Variants in COMMD7 observed in about 807,000 individuals in gnomAD.
The protein encoded by COMMD7 is COMM domain-containing protein 7.
COMMD7 carries 28 observed loss-of-function variants against 34.8 expected under a neutral mutation model. The ratio of observed to expected loss-of-function variants is 0.80; its 90% CI spans 0.60 to 1.10. The LOEUF (loss-of-function observed/expected upper bound fraction) is 1.10. COMMD7 is among the 50% of genes least tolerant of loss of function. The pLI is 0.00. For missense variants in COMMD7, 211 were observed against 241.6 expected (o/e 0.87, Z 0.84); for synonymous variants, 80 against 86.4 (o/e 0.93, Z 0.41).
chr20:32,733,716 CAAA>C (rs35352458), intron 1 of COMMD7, among the ~76,000 whole-genome samples: 14 of 109,572 alleles, frequency 1.3e-4, no homozygotes, highest in Non-Finnish European at 2.0e-4. Context: ...GACTCCATCT[CAAA>C]AAAAAAAAAA....
intron 3 of COMMD7, among the ~76,000 whole-genome samples, chr20:32,711,687 T>C (rs1030524474): frequency 5.1e-4 from 77 of 152,136 alleles, no homozygotes; most frequent in African/African-American, 1.7e-3. Flanking sequence ...TGGATTGGCA[T>C]CATGCTAGGC....
rs1415685075 is a variant in COMMD7, at chr20:32,704,813, C to A, written c.427+1G>T. ...ACCCAGGACTGGTTGTAACTAGTTA[C>A]CTCCAAATTTCCACTCCATATCTAT... On this transcript the variant is annotated splice_donor_variant, in intron 6 of 8. Coordinates refer to ENST00000278980, the MANE Select transcript of COMMD7 (RefSeq NM_053041.3). LOFTEE classifies it high-confidence loss of function. 6.2e-7 allele frequency: 1 copy of A among 1,610,376 alleles called. No individual in the cohort carries two copies. The highest frequency in any genetic ancestry group is 1.7e-4 in the Middle Eastern group (1 of 6,056).
intron 1 of COMMD7, among the ~76,000 whole-genome samples, chr20:32,740,105 CAGG>C: frequency 7.0e-6 from 1 of 141,924 alleles, no homozygotes; most frequent in Non-Finnish European, 1.5e-5. Context: ...ATCATGAAGT[CAGG>C]AGATCGAGAC....
chr20:32,731,868 A>G (rs375531706), intron 1 of COMMD7, among the ~76,000 whole-genome samples: 41 of 152,304 alleles, frequency 2.7e-4, no homozygotes, highest in African/African-American at 9.6e-4. Context: ...TCTCCCCAGT[A>G]AACTTAGGAA....
intron 3 of COMMD7, among the ~76,000 whole-genome samples, chr20:32,722,396 T>C (rs1199407577): frequency 2.0e-5 from 3 of 151,966 alleles, no homozygotes; most frequent in Non-Finnish European, 4.4e-5. Context: ...GACAAACCCA[T>C]TTCCAAAGAT....
intron 1 of COMMD7, among the ~76,000 whole-genome samples, chr20:32,736,598 A>G (rs1015347955): frequency 6.6e-6 from 1 of 152,124 alleles, no homozygotes; most frequent in African/African-American, 2.4e-5. Context: ...TGAACCCAGG[A>G]GGCAGAGGTT....
At chr20:32,728,714 A>G (rs914588450) in intron 1 of COMMD7, among the ~76,000 whole-genome samples, 1 of 151,550 alleles carries the variant, frequency 6.6e-6, no homozygotes, top group African/African-American at 2.4e-5. Flanking sequence ...CTACAGGCAC[A>G]TGCCACCATA....
intron 1 of COMMD7, 62 bp downstream of exon 1, chr20:32,743,246 C>A: frequency 9.6e-7 from 1 of 1,042,812 alleles, no homozygotes; most frequent in Non-Finnish European, 1.4e-6. Context: ...GTCCCCCCCA[C>A]CCCAGGCCCG....
intron 3 of COMMD7, among the ~76,000 whole-genome samples, chr20:32,718,103 A>C (rs1165325173): frequency 1.4e-5 from 2 of 144,700 alleles, no homozygotes; most frequent in East Asian, 4.0e-4. Context: ...AAAAAAAAAA[A>C]TCAATAAAAT....
chr20:32,706,650 TA>T lies in COMMD7; in HGVS notation c.299-31del, dbSNP rs370008054. On this transcript the variant is annotated intron_variant, in intron 4 of 8. Coordinates refer to ENST00000278980, the MANE Select transcript of COMMD7 (RefSeq NM_053041.3). ...AAGAGAACAGAAGGAGATATTAACATAATAAAAAGCCTCAGAAGCCAGTCAC... is the reference window on the plus strand; with the variant it reads ...AAGAGAACAGAAGGAGATATTAACATATAAAAAGCCTCAGAAGCCAGTCAC... 4.1e-4 allele frequency: 660 copies of T among 1,612,094 alleles called. 2 individuals carry two copies. The African/African-American group carries it at 7.0e-3, about 17-fold the overall frequency.
intron 6 of COMMD7, 132 bp from the exon 7 acceptor site, chr20:32,704,621 G>T: frequency 2.0e-6 from 2 of 1,002,840 alleles, no homozygotes; most frequent in Non-Finnish European, 3.0e-6. Flanking sequence ...AGGGCAGCAA[G>T]GTGTGCTTTT....
In COMMD7 at chr20:32,702,966, G is replaced by C. The variant is rs1983844196; in HGVS notation, c.*416C>G. 5.9e-6 allele frequency: 1 copy of C among 170,502 alleles called. No homozygotes were observed. Among genetic ancestry groups the C allele is most frequent in the Non-Finnish European group, 1.3e-5 (1 of 78,912 alleles). 10.6% of individuals were successfully genotyped at this position (170,502 alleles called of 1,614,324 possible). A position where few individuals can be genotyped will look rare whatever the true frequency, so the allele number is the denominator to read the frequency against. ...GGGGGCTCTGTATATGTGTCATTCA[G>C]ACAATCCGCCGATTCCTCAGCCATA... On this transcript the variant is annotated 3_prime_UTR_variant, in exon 9 of 9. Transcript: ENST00000278980.
At chr20:32,737,825 G>A (rs1469866017) in intron 1 of COMMD7, among the ~76,000 whole-genome samples, 1 of 138,848 alleles carries the variant, frequency 7.2e-6, no homozygotes, top group Admixed American at 7.3e-5. Context: ...GCAACAGAGT[G>A]AGGTCCTGTC....
chr20:32,728,400 C>G (rs1375181935), intron 1 of COMMD7, among the ~76,000 whole-genome samples: 1 of 151,878 alleles, frequency 6.6e-6, no homozygotes, highest in Non-Finnish European at 1.5e-5. Flanking sequence ...CATATGCACT[C>G]AGATGCACAC....
chr20:32,728,479 AG>A (rs1985652183), intron 1 of COMMD7, among the ~76,000 whole-genome samples: 2 of 151,846 alleles, frequency 1.3e-5, no homozygotes, highest in Non-Finnish European at 2.9e-5. Flanking sequence ...CGCACGCACA[AG>A]GGGGAAATCA....
chr20:32,728,155 C>G lies in COMMD7; in HGVS notation c.85-13G>C, dbSNP rs201799486. 5.6e-6 allele frequency: 9 copies of G among 1,606,484 alleles called. No individual in the cohort carries two copies. The highest frequency in any genetic ancestry group is 1.7e-6 in the Non-Finnish European group (2 of 1,174,506). On this transcript the variant is annotated splice_polypyrimidine_tract_variant and intron_variant, in intron 1 of 8. Coordinates refer to ENST00000278980, the MANE Select transcript of COMMD7 (RefSeq NM_053041.3). ...GGGCTGAGAACTGCTGTGAAGAAAA[C>G]AACACAGAACATCAGTACAATTTCT...
At position 32,704,631 on chromosome 20, in the gene COMMD7, T is replaced by C. The variant is rs1475567874; in HGVS notation, c.428-142A>G. 5 of 954,558 alleles carry C rather than the reference T, an allele frequency of 5.2e-6. No individual in the cohort carries two copies. The Admixed American group carries it at 1.3e-4, about 26-fold the overall frequency. The allele number at this position is 954,558 out of a possible 1,614,324, so 59.1% of individuals were successfully genotyped here. The stretch of plus-strand genomic sequence containing the variant: ...GTATGAGGGCAGCAAGGTGTGCTTT[T>C]GGAAAGTCAACTTATCCAGAGCCAT... On this transcript the variant is annotated intron_variant, in intron 6 of 8. Transcript: ENST00000278980.
intron 3 of COMMD7, among the ~76,000 whole-genome samples, chr20:32,727,286 C>T (rs543759184): frequency 2.8e-4 from 43 of 151,664 alleles, no homozygotes; most frequent in African/African-American, 9.4e-4. Context: ...CGGTGGCTCA[C>T]GCCTGTAATC....
intron 1 of COMMD7, among the ~76,000 whole-genome samples, chr20:32,731,089 T>C (rs1032062013): frequency 3.3e-5 from 5 of 152,172 alleles, no homozygotes; most frequent in African/African-American, 1.2e-4. Context: ...CCCAGCACTC[T>C]GGGAGGCCAA....
Sources: allele counts gnomAD v4.1 joint callset (sites outside exome capture counted in the v4.1 genomes callset), GRCh38; gene constraint gnomAD v4.1.1; transcripts MANE v1.5; gene names NCBI Gene and HGNC (gene_info 2026-07-23, HGNC 2026-07-21).